Variants in PDE9A observed in about 807,000 individuals in gnomAD.
The protein encoded by PDE9A is phosphodiesterase 9A.
Under a neutral mutation model 87.4 loss-of-function variants are expected in PDE9A, and 60 were observed. That is an observed-to-expected ratio of 0.69 (90% confidence interval 0.56 to 0.85). PDE9A has a LOEUF of 0.85. Among genes scored for constraint, PDE9A ranks in the 40% least tolerant of loss-of-function variants. PDE9A has a pLI of 0.00. For missense variants in PDE9A, 665 were observed against 779.0 expected, an observed-to-expected ratio of 0.85 and a Z score of 1.74; for synonymous variants, 272 against 279.4, an observed-to-expected ratio of 0.97 and a Z score of 0.27.
chr21:42,742,457 CTT>C lies in PDE9A; in HGVS notation c.569-1294_569-1293del, dbSNP rs60925435. Among the ~76,000 whole-genome samples, 11 of 71,524 alleles carry C rather than the reference CTT, an allele frequency of 1.5e-4. No individual in the cohort carries two copies. In the East Asian group the frequency reaches 2.2e-3, roughly 14 times the overall value. The allele number at this position is 71,524 out of a possible 152,430, so 46.9% of individuals were successfully genotyped here. ...AATCATAGGGAGTTGAAGCTGTCTGCTTTTTTTTTTTTTTTTTTTTTTTTTTG... is the reference window on the plus strand; with the variant it reads ...AATCATAGGGAGTTGAAGCTGTCTGCTTTTTTTTTTTTTTTTTTTTTTTTG... On this transcript the variant is annotated intron_variant, in intron 7 of 19. Transcript: ENST00000291539.
At chr21:42,765,012 TG>T (rs1467263337) in intron 14 of PDE9A, among the ~76,000 whole-genome samples, 4 of 144,618 alleles carry the variant, frequency 2.8e-5, no homozygotes, top group African/African-American at 8.0e-5. Flanking sequence ...GATGGATGGA[TG>T]GATGGATGGG....
rs148803107 is a variant in PDE9A at position 42,696,348 on chromosome 21, C to T, written c.219-2620C>T. Among the ~76,000 whole-genome samples, 44 of 152,270 alleles carry T rather than the reference C, an allele frequency of 2.9e-4. No homozygotes were observed. The East Asian group carries it at 7.5e-3, about 26-fold the overall frequency. On this transcript the variant is annotated intron_variant, in intron 3 of 19. Transcript: ENST00000291539. The surrounding 1 kb of genome is among the most constrained non-coding windows in gnomAD (Gnocchi z 5.1). ...CCCCACCTCCTGGAGCCCTTCTCTG[C>T]GCCTGGTCACTACCCGCCCCCCACC...
chr21:42,768,463 A>T, intron 16 of PDE9A, 171 bp downstream of exon 16: 1 of 1,132,306 alleles, frequency 8.8e-7, no homozygotes. Context: ...AAAATAGGTT[A>T]TAATTTGAGA....
intron 17 of PDE9A, 69 bp from the exon 18 acceptor site, chr21:42,770,634 G>C: frequency 1.6e-6 from 2 of 1,276,874 alleles, no homozygotes; most frequent in Non-Finnish European, 2.3e-6. Context: ...CCTGACACCT[G>C]TTTTTCTCCG....
chr21:42,762,853 G>A (rs995828895), intron 14 of PDE9A, among the ~76,000 whole-genome samples: 3 of 152,016 alleles, frequency 2.0e-5, no homozygotes, highest in South Asian at 2.1e-4. Flanking sequence ...CCACCAAGCC[G>A]GCTAATTTTC....
chr21:42,741,060 A>G (rs1180355318), intron 7 of PDE9A: 1 of 152,202 alleles, frequency 6.6e-6, no homozygotes, highest in Non-Finnish European at 1.5e-5. Flanking sequence ...TGCAGTCTAC[A>G]CCGCATGCCC....
intron 4 of PDE9A, among the ~76,000 whole-genome samples, chr21:42,725,008 C>T (rs2146628912): frequency 6.6e-6 from 1 of 152,304 alleles, no homozygotes; most frequent in Admixed American, 6.5e-5. Context: ...TGTAATGATG[C>T]ATGCAGAGAA....
chr21:42,759,228 T>C lies in PDE9A; in HGVS notation c.897+143T>C, dbSNP rs1033008556. 2.1e-4 allele frequency: 134 copies of C among 650,184 alleles called. No homozygotes were observed. The highest frequency in any genetic ancestry group is 3.4e-4 in the Non-Finnish European group (121 of 356,912). The allele number at this position is 650,184 out of a possible 1,614,324, so 40.3% of individuals were successfully genotyped here. On this transcript the variant is annotated intron_variant, in intron 11 of 19. Coordinates refer to ENST00000291539, the MANE Select transcript of PDE9A (RefSeq NM_002606.3). This position sits in a 1 kb window ranked among gnomAD's most constrained non-coding sequence, Gnocchi z 7.2. ...AGAGGTGACATTTCCCCGGGAGTTCTGTGAGGACACTCAGCCTGTCTCTGT... is the reference window on the plus strand; with the variant it reads ...AGAGGTGACATTTCCCCGGGAGTTCCGTGAGGACACTCAGCCTGTCTCTGT...
chr21:42,661,685 A>G (rs534155609), intron 1 of PDE9A, among the ~76,000 whole-genome samples: 1 of 152,282 alleles, frequency 6.6e-6, no homozygotes, highest in Admixed American at 6.5e-5. Flanking sequence ...AGTCATTTTC[A>G]TTCTTAGTTC....
intron 4 of PDE9A, among the ~76,000 whole-genome samples, chr21:42,713,349 G>T (rs2049521925): frequency 6.6e-6 from 1 of 152,148 alleles, no homozygotes; most frequent in Non-Finnish European, 1.5e-5. Context: ...GGTCAGGGTG[G>T]TCTCGAACTC....
At chr21:42,770,547 G>T (rs1407232607) in intron 17 of PDE9A, among the ~76,000 whole-genome samples, 156 bp from the exon 18 acceptor site, 1 of 152,200 alleles carries the variant, frequency 6.6e-6, no homozygotes, top group African/African-American at 2.4e-5. Context: ...AGACAGAGCC[G>T]CAGTGGGTGG....
chr21:42,753,078 C>T (rs2054605345), intron 9 of PDE9A, among the ~76,000 whole-genome samples: 1 of 152,184 alleles, frequency 6.6e-6, no homozygotes, highest in South Asian at 2.1e-4. Flanking sequence ...ACGATCTTGG[C>T]TCACTGCAAC....
chr21:42,656,021 A>G (rs2057039987), intron 1 of PDE9A, among the ~76,000 whole-genome samples: 1 of 152,204 alleles, frequency 6.6e-6, no homozygotes. Context: ...GCTGTCACGG[A>G]TGGGTTGCAC....
In PDE9A at chr21:42,659,744, A is replaced by C. The variant is rs2145807065; in HGVS notation, c.69+5861A>C. Among the ~76,000 whole-genome samples the C allele has an allele frequency of 6.6e-6, 1 of 152,308 alleles. No homozygotes were observed. The highest frequency in any genetic ancestry group is 2.4e-5 in the African/African-American group (1 of 41,580). ...AGAAGGAGCCAGAACCACAGGCCCC[A>C]TGAGCCCAGGTCCCACAGCCCGCAC... On this transcript the variant is annotated intron_variant, in intron 1 of 19. Coordinates refer to ENST00000291539, the MANE Select transcript of PDE9A (RefSeq NM_002606.3). This position sits in a 1 kb window ranked among gnomAD's most constrained non-coding sequence, Gnocchi z 4.1.
intron 13 of PDE9A, 47 bp from the exon 14 acceptor site, chr21:42,762,036 C>T (rs1261280369): frequency 6.3e-7 from 1 of 1,584,174 alleles, no homozygotes; most frequent in East Asian, 2.2e-5. Context: ...GTGCAGGTAC[C>T]TGGTGAGGGC....
At chr21:42,693,167 G>T (rs918111914) in intron 3 of PDE9A, among the ~76,000 whole-genome samples, 1 of 152,224 alleles carries the variant, frequency 6.6e-6, no homozygotes, top group Non-Finnish European at 1.5e-5. Flanking sequence ...AGAGCGAGAC[G>T]CATGCCCGTC....
At chr21:42,728,931 C>T (rs907373432) in intron 4 of PDE9A, among the ~76,000 whole-genome samples, 1 of 145,508 alleles carries the variant, frequency 6.9e-6, no homozygotes, top group East Asian at 2.0e-4. Flanking sequence ...GCCCAGGAGG[C>T]GGAGGCTGCA....
intron 1 of PDE9A, among the ~76,000 whole-genome samples, chr21:42,671,558 T>C (rs1181342155): frequency 6.6e-6 from 1 of 152,204 alleles, no homozygotes; most frequent in Non-Finnish European, 1.5e-5. Context: ...AAATGAACAA[T>C]ATGTCCAAAT....
chr21:42,675,184 A>C lies in PDE9A; in HGVS notation c.70-11008A>C, dbSNP rs758112676. On this transcript the variant is annotated intron_variant, in intron 1 of 19. Transcript: ENST00000291539. The surrounding 1 kb of genome is among the most constrained non-coding windows in gnomAD (Gnocchi z 4.3). ...GATCATTTTCACTCAGCATTACATCAGCAGCGGTTTCCAATATAGCATTAA... is the reference window on the plus strand; with the variant it reads ...GATCATTTTCACTCAGCATTACATCCGCAGCGGTTTCCAATATAGCATTAA... Among the ~76,000 whole-genome samples the C allele has an allele frequency of 6.6e-6, 1 of 152,256 alleles. No individual in the cohort carries two copies. Among genetic ancestry groups the C allele is most frequent in the African/African-American group, 2.4e-5 (1 of 41,460 alleles).
Sources: allele counts gnomAD v4.1 joint callset (sites outside exome capture counted in the v4.1 genomes callset), GRCh38; gene constraint gnomAD v4.1.1; non-coding constraint Gnocchi (gnomAD v3.1); transcripts MANE v1.5; gene names NCBI Gene and HGNC (gene_info 2026-07-23, HGNC 2026-07-21).